TOMM7: variants seen among roughly 807,000 people sequenced by gnomAD.
TOMM7 encodes the protein mitochondrial import receptor subunit TOM7 homolog.
Under a neutral mutation model 9.5 loss-of-function variants are expected in TOMM7, and 8 were observed. The ratio of observed to expected loss-of-function variants is 0.84; its 90% CI spans 0.49 to 1.51. The LOEUF (loss-of-function observed/expected upper bound fraction) is 1.51. TOMM7 is among the 40% of genes most tolerant of loss of function. The pLI is 0.00. For missense variants in TOMM7, 74 were observed against 63.7 expected (o/e 1.16, Z -0.55); for synonymous variants, 27 against 21.4 (o/e 1.26, Z -0.72).
At chr7:22,816,738 A>C (rs927612321) in intron 2 of TOMM7, among the ~76,000 whole-genome samples, 1 of 152,244 alleles carries the variant, frequency 6.6e-6, no homozygotes, top group African/African-American at 2.4e-5. Flanking sequence ...GAGGAAATTC[A>C]TATCAGATAG....
intron 2 of TOMM7, among the ~76,000 whole-genome samples, chr7:22,813,648 A>G (rs957022732): frequency 5.9e-5 from 9 of 151,980 alleles, no homozygotes; most frequent in African/African-American, 2.2e-4. Context: ...AGATAGTTAT[A>G]TATCATTTAA....
chr7:22,816,868 C>A (rs991770059), intron 2 of TOMM7, among the ~76,000 whole-genome samples: 1 of 152,200 alleles, frequency 6.6e-6, no homozygotes, highest in Non-Finnish European at 1.5e-5. Flanking sequence ...ATAACCTGCT[C>A]TGAAGGACTG....
At chr7:22,816,463 T>C (rs1381302509) in intron 2 of TOMM7, among the ~76,000 whole-genome samples, 1 of 152,070 alleles carries the variant, frequency 6.6e-6, no homozygotes, top group Admixed American at 6.5e-5. Flanking sequence ...GAAAAGAAAA[T>C]TGATAGATCA....
chr7:22,821,045 A>G lies in TOMM7; in HGVS notation c.103+1632T>C, dbSNP rs990900427. ...TACAATTGTCAAACTATATGCTCAA[A>G]CTGACACAGCTGGGATGAAAAACCT... On this transcript the variant is annotated intron_variant, in intron 1 of 2. Coordinates refer to ENST00000358435, the MANE Select transcript of TOMM7 (RefSeq NM_019059.5). 2.0e-5 allele frequency among the ~76,000 whole-genome samples: 3 copies of G among 152,126 alleles called. No homozygotes were observed. The East Asian group carries it at 5.8e-4, about 29-fold the overall frequency.
rs148214378 is a variant in TOMM7, at chr7:22,819,571, A to G, written c.104-1523T>C. Among the ~76,000 whole-genome samples, 456 of 152,248 alleles carry G rather than the reference A, an allele frequency of 3.0e-3. 1 individual carries two copies. Among genetic ancestry groups the G allele is most frequent in the African/African-American group, 0.01 (436 of 41,546 alleles). ...TTTTTAGTAGAGACAGAGTTTCTCC[A>G]TGTTGGTCAGCCTGGTCTCGAACTC... On this transcript the variant is annotated intron_variant, in intron 1 of 2. Coordinates refer to ENST00000358435, the MANE Select transcript of TOMM7 (RefSeq NM_019059.5).
intron 1 of TOMM7, among the ~76,000 whole-genome samples, chr7:22,820,527 A>G (rs1782372454): frequency 6.6e-6 from 1 of 152,210 alleles, no homozygotes; most frequent in Admixed American, 6.5e-5. Flanking sequence ...CAAAAAACCA[A>G]AGGGACACAA....
chr7:22,822,212 G>A, intron 1 of TOMM7: 1 of 1,550,942 alleles, frequency 6.4e-7, no homozygotes, highest in South Asian at 1.2e-5. Context: ...AGGTAAGAAA[G>A]CAGAGGCATC....
rs779682663 is a variant in TOMM7 at position 22,822,123 on chromosome 7, C to CA, written c.103+553dup. On this transcript the variant is annotated intron_variant, in intron 1 of 2. Coordinates refer to ENST00000358435, the MANE Select transcript of TOMM7 (RefSeq NM_019059.5). Reference sequence around the variant, plus strand: ...AGTCAGCATAGCTGTGCGACCTTGGCAAAAAAGTTTCTCTACGGCTGTTTC... The same window carrying CA: ...AGTCAGCATAGCTGTGCGACCTTGGCAAAAAAAGTTTCTCTACGGCTGTTTC... 8 of 1,548,182 alleles carry CA rather than the reference C, an allele frequency of 5.2e-6. No individual in the cohort carries two copies. The Admixed American group carries it at 9.8e-5, about 19-fold the overall frequency.
intron 1 of TOMM7, among the ~76,000 whole-genome samples, chr7:22,819,015 G>A (rs1057105648): frequency 6.6e-6 from 1 of 151,962 alleles, no homozygotes; most frequent in African/African-American, 2.4e-5. Flanking sequence ...AGGACGGGGT[G>A]GAGGGCGGGG....
At chr7:22,822,468 C>G in intron 1 of TOMM7, 1 of 707,154 alleles carries the variant, frequency 1.4e-6, no homozygotes, top group Non-Finnish European at 2.3e-6. Context: ...GGAGGGATTG[C>G]AAGACTGCTT....
At chr7:22,817,584 CT>C (rs2128182301) in intron 2 of TOMM7, 1 of 188,282 alleles carries the variant, frequency 5.3e-6, no homozygotes, top group African/African-American at 2.4e-5. Context: ...GTATAAAATA[CT>C]GAAAAATTGA....
Position 22,822,816 on chromosome 7 carries a change from G to C in TOMM7, c.-37C>G, listed in dbSNP as rs772348183. The C allele has an allele frequency of 6.5e-7, 1 of 1,537,758 alleles. No individual in the cohort carries two copies. The highest frequency in any genetic ancestry group is 1.7e-5 in the Admixed American group (1 of 59,718). On this transcript the variant is annotated 5_prime_UTR_variant, in exon 1 of 3. Transcript: ENST00000358435. Reference sequence around the variant, plus strand: ...TGTGGCGCAGGGAGGACCCCTTACAGCAACCACAGCGTCGGGAATCCGAAA... The same window carrying C: ...TGTGGCGCAGGGAGGACCCCTTACACCAACCACAGCGTCGGGAATCCGAAA...
chr7:22,819,998 C>A (rs1175736982), intron 1 of TOMM7, among the ~76,000 whole-genome samples: 1 of 152,174 alleles, frequency 6.6e-6, no homozygotes, highest in East Asian at 1.9e-4. Flanking sequence ...AAAGTTAAAT[C>A]CGCAGTTGCT....
At position 22,818,059 on chromosome 7, in the gene TOMM7, G is replaced by GAAGACAGAAGAGAA; in HGVS notation, c.104-25_104-12dup. The GAAGACAGAAGAGAA allele has an allele frequency of 6.2e-7, 1 of 1,613,086 alleles. No homozygotes were observed. The highest frequency in any genetic ancestry group is 1.1e-5 in the South Asian group (1 of 91,030). ...CACCCCTCTTAAATCCTGAATCAAG[G>GAAGACAGAAGAGAA]AAGACAGAAGAGAAAAAATATTAAT... On this transcript the variant is annotated splice_polypyrimidine_tract_variant and intron_variant, in intron 1 of 2. Transcript: ENST00000358435.
At chr7:22,814,015 G>A (rs891617557) in intron 2 of TOMM7, among the ~76,000 whole-genome samples, 13 of 149,726 alleles carry the variant, frequency 8.7e-5, no homozygotes, top group Admixed American at 2.0e-4. Flanking sequence ...TAAACCCTAA[G>A]TATTTTTGCA....
intron 2 of TOMM7, among the ~76,000 whole-genome samples, chr7:22,814,223 G>A (rs1210634904): frequency 6.6e-6 from 1 of 151,226 alleles, no homozygotes; most frequent in African/African-American, 2.4e-5. Context: ...GGTGGTGCAT[G>A]CCTGTAATAC....
chr7:22,816,898 T>C (rs1782323234), intron 2 of TOMM7, among the ~76,000 whole-genome samples: 1 of 152,206 alleles, frequency 6.6e-6, no homozygotes, highest in African/African-American at 2.4e-5. Context: ...ACTAGACACA[T>C]TGCATAAAAA....
intron 2 of TOMM7, among the ~76,000 whole-genome samples, chr7:22,816,137 T>C (rs1782313953): frequency 6.6e-6 from 1 of 152,256 alleles, no homozygotes; most frequent in South Asian, 2.1e-4. Flanking sequence ...ATTAATAGTT[T>C]ACTGATCACG....
At chr7:22,822,533 G>C in intron 1 of TOMM7, 144 bp downstream of exon 1, 1 of 786,536 alleles carries the variant, frequency 1.3e-6, no homozygotes, top group Non-Finnish European at 2.1e-6. Context: ...AGGTTAGATC[G>C]GCCCCACTTG....
Sources: allele counts gnomAD v4.1 joint callset (sites outside exome capture counted in the v4.1 genomes callset), GRCh38; gene constraint gnomAD v4.1.1; transcripts MANE v1.5; gene names NCBI Gene and HGNC (gene_info 2026-07-23, HGNC 2026-07-21).